TLN2: variants seen among roughly 807,000 people sequenced by gnomAD.
TLN2 encodes the protein talin 2.
A neutral mutation model predicts 294.7 loss-of-function variants in TLN2; 118 were observed. The ratio of observed to expected loss-of-function variants is 0.40; its 90% confidence interval spans 0.34 to 0.47. The LOEUF (loss-of-function observed/expected upper bound fraction) is 0.47, where lower values mean the gene tolerates loss of function less well. Among genes scored for constraint, TLN2 ranks in the 20% least tolerant of loss-of-function variants. TLN2 has a pLI of 0.84. For synonymous variants in TLN2, 1,431 were observed against 1,304.5 expected (o/e 1.10, Z -2.09); for missense variants, 3,083 against 3,282.2 (o/e 0.94, Z 1.48).
chr15:62,741,692 A>C (rs1247922843), intron 32 of TLN2, among the ~76,000 whole-genome samples: 1 of 144,120 alleles, frequency 6.9e-6, no homozygotes, highest in East Asian at 2.1e-4. Flanking sequence ...TGATTTTTGA[A>C]AAGCATAGCT....
intron 37 of TLN2, among the ~76,000 whole-genome samples, chr15:62,757,447 C>A (rs1221120193): frequency 6.6e-6 from 1 of 152,136 alleles, no homozygotes; most frequent in Non-Finnish European, 1.5e-5. Flanking sequence ...ATTTTCTGGT[C>A]GTTAAAAAAC....
At chr15:62,771,848 T>C (rs1246692891) in intron 42 of TLN2, among the ~76,000 whole-genome samples, 1 of 151,870 alleles carries the variant, frequency 6.6e-6, no homozygotes, top group Non-Finnish European at 1.5e-5. Context: ...TCAGTCTTTA[T>C]TGTAAGTAGT....
At chr15:62,817,283 C>T (rs1207847299) in intron 52 of TLN2, among the ~76,000 whole-genome samples, 2 of 152,144 alleles carry the variant, frequency 1.3e-5, no homozygotes, top group Non-Finnish European at 2.9e-5. Flanking sequence ...GGACTTGTCC[C>T]AATAATGTAT....
intron 2 of TLN2, among the ~76,000 whole-genome samples, chr15:62,597,020 G>A (rs1354774429): frequency 8.5e-5 from 13 of 152,130 alleles, no homozygotes; most frequent in Admixed American, 3.9e-4. Context: ...TGGGATGGCA[G>A]ATCACGCTGT....
chr15:62,434,794 G>A (rs561134909), intron 1 of TLN2, among the ~76,000 whole-genome samples: 2 of 152,304 alleles, frequency 1.3e-5, no homozygotes, highest in African/African-American at 4.8e-5. Flanking sequence ...AAGTTCAGGG[G>A]AACATGTGCA....
At chr15:62,392,455 A>T (rs1381243042) in intron 1 of TLN2, among the ~76,000 whole-genome samples, 1 of 152,176 alleles carries the variant, frequency 6.6e-6, no homozygotes, top group Non-Finnish European at 1.5e-5. Context: ...TGGGTGTGTT[A>T]AGCTGTGGCA....
At chr15:62,518,434 A>G (rs2040292504) in intron 1 of TLN2, among the ~76,000 whole-genome samples, 1 of 152,184 alleles carries the variant, frequency 6.6e-6, no homozygotes, top group African/African-American at 2.4e-5. Flanking sequence ...ATGGGTTCAG[A>G]TTTCAGCTCA....
rs541290633 is a variant in TLN2 at position 62,538,134 on chromosome 15, T to G, written c.-237-51553T>G. ...CTACTCAGAGGCTGAGGTGGGAGAA[T>G]TGTTTGAACCCAGGAGGCAGAGGTT... is the stretch of plus-strand genomic sequence containing the variant. On this transcript the variant is annotated intron_variant, in intron 1 of 58. Transcript: ENST00000636159. Among the ~76,000 whole-genome samples the G allele has an allele frequency of 2.0e-5, 3 of 152,146 alleles. No homozygotes were observed. In the South Asian group the frequency reaches 6.2e-4, roughly 32 times the overall value.
At chr15:62,543,863 C>T (rs908602101) in intron 1 of TLN2, among the ~76,000 whole-genome samples, 1 of 151,688 alleles carries the variant, frequency 6.6e-6, no homozygotes. Context: ...CTGTGTTAAA[C>T]TGTGTTCAGG....
chr15:62,657,155 G>T (rs868144326), intron 8 of TLN2, among the ~76,000 whole-genome samples: 2 of 151,380 alleles, frequency 1.3e-5, no homozygotes, highest in African/African-American at 4.9e-5. Context: ...TGAAAAGGTG[G>T]GGGGGGGAAG....
chr15:62,616,451 C>T (rs2048322835), intron 2 of TLN2, among the ~76,000 whole-genome samples: 1 of 152,144 alleles, frequency 6.6e-6, no homozygotes, highest in Admixed American at 6.5e-5. Context: ...TTTTGAGAGA[C>T]AGGGTCTTGC....
Position 62,717,678 on chromosome 15 carries a change from C to A in TLN2, c.2866C>A (p.Gln956Lys), listed in dbSNP as rs757072346. Residue 956 changes from glutamine to lysine, a missense_variant, in exon 24 of 59, where the codon CAG becomes AAG. Physicochemically the swap from Gln to Lys is moderately conservative, Grantham distance 53. Coordinates refer to ENST00000636159, the MANE Select transcript of TLN2 (RefSeq NM_015059.3). ...KNPAAQQQLVQSCKAVADHIP... is the reference protein window; with the variant it reads ...KNPAAQQQLVKSCKAVADHIP... ...CCCTGCGGCCCAGCAGCAGCTGGTC[C>A]AGAGTTGCAAGGTGAGGTTCCAGTG... is the stretch of plus-strand genomic sequence containing the variant. The A allele has an allele frequency of 1.3e-6, 2 of 1,587,850 alleles. No homozygotes were observed. Among genetic ancestry groups the A allele is most frequent in the South Asian group, 1.2e-5 (1 of 85,916 alleles).
intron 1 of TLN2, among the ~76,000 whole-genome samples, chr15:62,510,658 C>G (rs2039880497): frequency 6.6e-6 from 1 of 152,154 alleles, no homozygotes; most frequent in Non-Finnish European, 1.5e-5. Flanking sequence ...TTTGCCTGCT[C>G]CAGGGCGATG....
intron 11 of TLN2, among the ~76,000 whole-genome samples, chr15:62,675,585 G>A (rs955867649): frequency 9.2e-5 from 14 of 152,204 alleles, no homozygotes; most frequent in African/African-American, 3.1e-4. Flanking sequence ...AGTCCCTGAA[G>A]GAGTGAGTTC....
chr15:62,720,999 C>G (rs937975622), intron 25 of TLN2, among the ~76,000 whole-genome samples: 1 of 152,004 alleles, frequency 6.6e-6, no homozygotes, highest in Non-Finnish European at 1.5e-5. Flanking sequence ...GAGCCTGGAG[C>G]CATTTGTGGG....
At chr15:62,797,185 C>CT (rs1179297780) in intron 47 of TLN2, 34 bp from the exon 48 acceptor site, 1 of 1,612,572 alleles carries the variant, frequency 6.2e-7, no homozygotes, top group Admixed American at 1.7e-5. Context: ...CCCTCTGTCT[C>CT]TCCCCCTCTC....
chr15:62,746,861 G>A (rs986660729), intron 32 of TLN2, among the ~76,000 whole-genome samples: 1 of 152,152 alleles, frequency 6.6e-6, no homozygotes, highest in African/African-American at 2.4e-5. Context: ...TCTTATTTCT[G>A]CTGCTTATTT....
chr15:62,675,228 C>T lies in TLN2; in HGVS notation c.864C>T (p.Asn288=). 1 of 1,614,196 alleles carries T rather than the reference C, an allele frequency of 6.2e-7. No homozygotes were observed. The highest frequency in any genetic ancestry group is 8.5e-7 in the Non-Finnish European group (1 of 1,180,020). ...AEKRIFQEHK[N]CGEMSEIEAK... The stretch of plus-strand genomic sequence containing the variant: ...TGTCACTTTTGCAGGAGCATAAGAA[C>T]TGCGGAGAGATGAGTGAGATAGAAG... The change falls in exon 11 of 59, where the codon AAC becomes AAT. Residue 288 remains asparagine (N), a synonymous_variant. Transcript: ENST00000636159.
At chr15:62,743,731 A>G (rs1175001667) in intron 32 of TLN2, among the ~76,000 whole-genome samples, 3 of 152,150 alleles carry the variant, frequency 2.0e-5, no homozygotes, top group African/African-American at 7.2e-5. Flanking sequence ...CGAAGGGGGT[A>G]TCCTACCTCT....
Sources: allele counts gnomAD v4.1 joint callset (sites outside exome capture counted in the v4.1 genomes callset), GRCh38; gene constraint gnomAD v4.1.1; transcripts MANE v1.5; gene names NCBI Gene and HGNC (gene_info 2026-07-23, HGNC 2026-07-21).